The following RNGTT variants were observed in gnomAD, a reference collection of about 807,000 sequenced individuals.
RNGTT encodes mRNA-capping enzyme.
In RNGTT, 33 loss-of-function variants were observed where a neutral mutation model predicts 79.3. That is an observed-to-expected ratio of 0.42 (90% confidence interval 0.32 to 0.56). The LOEUF is 0.56. Ranked by LOEUF, RNGTT falls within the 20% of genes least tolerant of loss-of-function variation. The pLI, the probability that RNGTT is intolerant of heterozygous loss-of-function variation, is 0.17. For synonymous variants in RNGTT, 222 were observed against 235.9 expected, an observed-to-expected ratio of 0.94 and a Z score of 0.54; for missense variants, 497 against 739.1, an observed-to-expected ratio of 0.67 and a Z score of 3.80.
At chr6:88,655,712 G>T (rs1157995332) in intron 14 of RNGTT, among the ~76,000 whole-genome samples, 1 of 152,174 alleles carries the variant, frequency 6.6e-6, no homozygotes, top group Non-Finnish European at 1.5e-5. Flanking sequence ...CCTTTCTGCA[G>T]TGTCAAAGTG....
At chr6:88,773,019 A>G (rs1323877815) in intron 12 of RNGTT, among the ~76,000 whole-genome samples, 1 of 146,730 alleles carries the variant, frequency 6.8e-6, no homozygotes, top group South Asian at 2.2e-4. Flanking sequence ...ACACATGCAC[A>G]CGTATGTTTA....
chr6:88,877,152 A>T (rs1782544048), intron 8 of RNGTT, among the ~76,000 whole-genome samples: 1 of 152,218 alleles, frequency 6.6e-6, no homozygotes, highest in Non-Finnish European at 1.5e-5. Flanking sequence ...CACACCCTAA[A>T]AGAATTCTGA....
chr6:88,751,712 T>C (rs927321332), intron 13 of RNGTT, among the ~76,000 whole-genome samples: 1 of 152,114 alleles, frequency 6.6e-6, no homozygotes, highest in Non-Finnish European at 1.5e-5. Flanking sequence ...GTAGTGTTTA[T>C]ATTAGGCAAT....
chr6:88,672,589 C>T (rs892838378), intron 14 of RNGTT, among the ~76,000 whole-genome samples: 3 of 152,134 alleles, frequency 2.0e-5, no homozygotes, highest in Non-Finnish European at 4.4e-5. Flanking sequence ...TAAAAGACTA[C>T]ACATTGGGTA....
At chr6:88,613,525 A>C (rs1398353833) in intron 15 of RNGTT, among the ~76,000 whole-genome samples, 1 of 152,244 alleles carries the variant, frequency 6.6e-6, no homozygotes. Context: ...GTAACTTTTA[A>C]ACTGCAAAGC....
chr6:88,843,792 G>C (rs895597851), intron 11 of RNGTT, among the ~76,000 whole-genome samples: 1 of 151,184 alleles, frequency 6.6e-6, no homozygotes, highest in East Asian at 1.9e-4. Flanking sequence ...TCCTGACCTT[G>C]TGATCTGCCC....
At chr6:88,771,500 T>G (rs1778682735) in intron 12 of RNGTT, among the ~76,000 whole-genome samples, 1 of 151,800 alleles carries the variant, frequency 6.6e-6, no homozygotes, top group African/African-American at 2.4e-5. Flanking sequence ...TTTATTCTCC[T>G]TTTTCAAAAC....
chr6:88,713,719 T>A (rs9451057), intron 13 of RNGTT, among the ~76,000 whole-genome samples: 1,702 of 152,340 alleles, frequency 0.011, 23 homozygotes, highest in African/African-American at 0.039. Flanking sequence ...ACCGCCATAT[T>A]TCTTAACAAG....
At chr6:88,924,642 CT>C in intron 4 of RNGTT, among the ~76,000 whole-genome samples, 1 of 151,776 alleles carries the variant, frequency 6.6e-6, no homozygotes, top group Admixed American at 6.6e-5. Flanking sequence ...TGTCCAACAT[CT>C]TTTTGCCTCC....
intron 4 of RNGTT, among the ~76,000 whole-genome samples, chr6:88,914,862 C>A (rs1432264928): frequency 1.3e-5 from 2 of 152,082 alleles, no homozygotes; most frequent in Non-Finnish European, 2.9e-5. Context: ...AGAAAATATT[C>A]ACAGACTATG....
intron 14 of RNGTT, among the ~76,000 whole-genome samples, chr6:88,654,405 T>A (rs1438306882): frequency 1.3e-5 from 2 of 152,170 alleles, no homozygotes; most frequent in Non-Finnish European, 2.9e-5. Flanking sequence ...TTCTTTCTAA[T>A]TTTTTCATCT....
rs185877395 is a variant in RNGTT, at chr6:88,710,572, A to G, written c.1440-32153T>C. Among the ~76,000 whole-genome samples the G allele has an allele frequency of 1.6e-4, 25 of 152,270 alleles. No individual in the cohort carries two copies. In the East Asian group the frequency reaches 4.8e-3, roughly 29 times the overall value. ...AAAATGCTGCCTTGCAACCACATCA[A>G]CCTAACGGTGAAGCACAACCTGTTC... is the stretch of plus-strand genomic sequence containing the variant. On this transcript the variant is annotated intron_variant, in intron 13 of 15. Coordinates refer to ENST00000369485, the MANE Select transcript of RNGTT (RefSeq NM_003800.5).
At chr6:88,623,554 T>C (rs1227286494) in intron 14 of RNGTT, among the ~76,000 whole-genome samples, 3 of 152,120 alleles carry the variant, frequency 2.0e-5, no homozygotes, top group Admixed American at 2.0e-4. Context: ...AAATATAATC[T>C]TAGTATATGT....
At chr6:88,930,393 G>A (rs945640309) in intron 2 of RNGTT, among the ~76,000 whole-genome samples, 1 of 151,884 alleles carries the variant, frequency 6.6e-6, no homozygotes, top group African/African-American at 2.4e-5. Flanking sequence ...AATTTGGCCA[G>A]ACACAGTGGC....
intron 8 of RNGTT, among the ~76,000 whole-genome samples, chr6:88,882,805 T>C (rs867553092): frequency 6.6e-6 from 1 of 152,182 alleles, no homozygotes; most frequent in African/African-American, 2.4e-5. Context: ...CATGGGAAGA[T>C]GCAGCAACAA....
chr6:88,774,732 T>G (rs1434412298), intron 12 of RNGTT, among the ~76,000 whole-genome samples: 1 of 152,164 alleles, frequency 6.6e-6, no homozygotes. Flanking sequence ...AAATATTGTA[T>G]GATTCCACTT....
At chr6:88,853,536 C>T (rs1048054604) in intron 9 of RNGTT, 93 bp downstream of exon 9, 51 of 901,272 alleles carry the variant, frequency 5.7e-5, no homozygotes, top group Admixed American at 8.4e-5. Flanking sequence ...AGATTTCATT[C>T]GAAATTTCTT....
intron 11 of RNGTT, among the ~76,000 whole-genome samples, chr6:88,840,237 A>G (rs1167896156): frequency 2.6e-5 from 4 of 152,200 alleles, no homozygotes; most frequent in Non-Finnish European, 5.9e-5. Flanking sequence ...GGTGTTACTA[A>G]GGTCTTACAT....
intron 13 of RNGTT, among the ~76,000 whole-genome samples, chr6:88,690,867 G>A (rs1165854418): frequency 1.3e-5 from 2 of 152,048 alleles, no homozygotes; most frequent in African/African-American, 4.8e-5. Flanking sequence ...GTGAATACAT[G>A]TGTCCTAAAG....
Sources: gnomAD v4.1 joint callset for allele counts (sites outside exome capture counted in the v4.1 genomes callset) on GRCh38, gnomAD v4.1.1 for gene constraint, MANE v1.5 for transcripts, NCBI Gene and HGNC (gene_info 2026-07-23, HGNC 2026-07-21) for gene names.